KIF4A: variants seen among roughly 807,000 people sequenced by gnomAD.
KIF4A encodes the protein kinesin family member 4A, also known as chromosome-associated kinesin KIF4A.
Under a neutral mutation model 105.9 loss-of-function variants are expected in KIF4A, and 7 were observed. The ratio of observed to expected loss-of-function variants is 0.07; its 90% confidence interval spans 0.04 to 0.12. The LOEUF (loss-of-function observed/expected upper bound fraction) is 0.12. Among genes scored for constraint, KIF4A ranks in the 10% least tolerant of loss-of-function variants. The pLI is 1.00. For missense variants in KIF4A, 558 were observed against 929.2 expected, an observed-to-expected ratio of 0.60 and a Z score of 5.19; for synonymous variants, 281 against 331.3, an observed-to-expected ratio of 0.85 and a Z score of 1.65.
chrX:70,389,235 G>A (rs1049033575), intron 20 of KIF4A, among the ~76,000 whole-genome samples: 2 of 110,416 alleles, frequency 1.8e-5, no homozygotes, highest in African/African-American at 6.6e-5. Context: ...CAGCCTGGGT[G>A]ACACAGCAAG....
chrX:70,302,836 G>A (rs1031936661), intron 7 of KIF4A, among the ~76,000 whole-genome samples: 2 of 111,598 alleles, frequency 1.8e-5, no homozygotes, highest in Admixed American at 9.6e-5. Context: ...TGTGATGTAG[G>A]CTATTAGAAA....
intron 17 of KIF4A, 136 bp downstream of exon 17, chrX:70,375,484 C>A: frequency 1.6e-6 from 1 of 623,341 alleles, no homozygotes; most frequent in Non-Finnish European, 2.5e-6. Flanking sequence ...TGAATCTCCA[C>A]AAATGTCCCT....
chrX:70,290,632 G>T lies in KIF4A; in HGVS notation c.120+54G>T. The T allele has an allele frequency of 2.5e-6, 3 of 1,206,465 alleles. 1 individual carries two copies. The highest frequency in any genetic ancestry group is 2.3e-4 in the Middle Eastern group (1 of 4,343). ...TGAACAGCTGGGGCCAAATGGTAAC[G>T]AGGGGTGTGGTCTTGCCTTTCATTT... On this transcript the variant is annotated intron_variant, in intron 2 of 30. Transcript: ENST00000374403.
At position 70,406,159 on chromosome X, in the gene KIF4A, G is replaced by A. The variant is rs765676638; in HGVS notation, c.2977-100G>A. 1.8e-5 allele frequency: 12 copies of A among 669,067 alleles called. No individual in the cohort carries two copies. In the African/African-American group the frequency reaches 2.2e-4, roughly 12 times the overall value. 55.1% of individuals were successfully genotyped at this position (669,067 alleles called of 1,213,427 possible). ...CTATAATCCTGCATCACTTTACTAT[G>A]GTTTAACGTTAAGCTAGCCTAGGTC... is the stretch of plus-strand genomic sequence containing the variant. On this transcript the variant is annotated intron_variant, in intron 26 of 30. Coordinates refer to ENST00000374403, the MANE Select transcript of KIF4A (RefSeq NM_012310.5).
At chrX:70,347,614 T>C (rs1157561547) in intron 13 of KIF4A, among the ~76,000 whole-genome samples, 1 of 111,541 alleles carries the variant, frequency 9.0e-6, no homozygotes, top group Non-Finnish European at 1.9e-5. Context: ...GATTAGTCCT[T>C]ATACTGAAAA....
intron 15 of KIF4A, among the ~76,000 whole-genome samples, chrX:70,369,072 T>C (rs2086118411): frequency 8.9e-6 from 1 of 112,516 alleles, no homozygotes; most frequent in Non-Finnish European, 1.9e-5. Context: ...AATCTTCTGG[T>C]GTGCCATTTG....
intron 15 of KIF4A, among the ~76,000 whole-genome samples, chrX:70,370,679 T>C (rs2086127509): frequency 9.1e-6 from 1 of 110,437 alleles, no homozygotes; most frequent in African/African-American, 3.3e-5. Flanking sequence ...CTCATGCCTA[T>C]AATCCCAATA....
At chrX:70,345,588 G>A (rs188161332) in intron 13 of KIF4A, among the ~76,000 whole-genome samples, 43 of 112,131 alleles carry the variant, frequency 3.8e-4, no homozygotes, top group African/African-American at 1.2e-3. Flanking sequence ...AGAAGAAAGG[G>A]TTGTATGTCC....
chrX:70,360,567 T>C (rs1043065688), intron 15 of KIF4A, among the ~76,000 whole-genome samples: 3 of 113,093 alleles, frequency 2.7e-5, no homozygotes, highest in African/African-American at 9.6e-5. Flanking sequence ...CAAGCGACAT[T>C]GGGGAGGCAG....
intron 18 of KIF4A, among the ~76,000 whole-genome samples, chrX:70,380,963 A>G (rs2086195118): frequency 9.0e-6 from 1 of 111,123 alleles, no homozygotes; most frequent in African/African-American, 3.3e-5. Flanking sequence ...AGCCTGGCCA[A>G]CACGGTGAAA....
chrX:70,392,860 T>TAA (rs1341018346), intron 20 of KIF4A, among the ~76,000 whole-genome samples: 185 of 106,093 alleles, frequency 1.7e-3, no homozygotes, highest in African/African-American at 5.7e-3. Flanking sequence ...ATAATAATAA[T>TAA]TATTATTATT....
chrX:70,419,581 C>G, intron 29 of KIF4A, 80 bp from the exon 30 acceptor site: 2 of 1,142,133 alleles, frequency 1.8e-6, no homozygotes, highest in Non-Finnish European at 2.4e-6. Flanking sequence ...GAGCTGTTAC[C>G]TCTTTGGTTG....
intron 7 of KIF4A, among the ~76,000 whole-genome samples, chrX:70,325,731 C>T (rs1193996577): frequency 1.9e-5 from 2 of 107,140 alleles, no homozygotes; most frequent in East Asian, 2.9e-4. Context: ...TTTCCCTCAC[C>T]CCCATCAAAC....
chrX:70,396,729 G>C (rs1194588573), intron 22 of KIF4A, among the ~76,000 whole-genome samples: 1 of 112,195 alleles, frequency 8.9e-6, no homozygotes, highest in Non-Finnish European at 1.9e-5. Flanking sequence ...GTTGTCATGA[G>C]CATTAAATGA....
In KIF4A at chrX:70,374,192, A is replaced by G. The variant is rs765792733; in HGVS notation, c.1716A>G (p.Gln572=). Residue 572 remains glutamine, a synonymous_variant, in exon 16 of 31, where the codon CAA becomes CAG. Transcript: ENST00000374403. ...TAGAATTAGAAGTCATCAATCTGCA[A>G]AAGGAAAAGGAAGAATTGGTTCTTG... The part of the protein sequence containing the change: ...KELELEVINL[Q]KEKEELVLEL... 97 of 1,201,041 alleles carry G rather than the reference A, an allele frequency of 8.1e-5. No individual in the cohort carries two copies. Among genetic ancestry groups the G allele is most frequent in the Non-Finnish European group, 1.0e-4 (92 of 888,155 alleles).
intron 20 of KIF4A, among the ~76,000 whole-genome samples, chrX:70,390,927 T>C (rs975382917): frequency 8.9e-6 from 1 of 112,385 alleles, no homozygotes; most frequent in Admixed American, 9.5e-5. Context: ...TTTGTGTATC[T>C]GTAGTTTGCG....
At chrX:70,389,094 A>C (rs981035365) in intron 20 of KIF4A, among the ~76,000 whole-genome samples, 22 of 110,843 alleles carry the variant, frequency 2.0e-4, no homozygotes, top group African/African-American at 7.2e-4. Flanking sequence ...TACAAAACAA[A>C]ATTTTAAAAA....
chrX:70,317,388 T>G (rs2085873372), intron 7 of KIF4A, among the ~76,000 whole-genome samples: 2 of 111,111 alleles, frequency 1.8e-5, no homozygotes, highest in African/African-American at 6.6e-5. Flanking sequence ...GTATCTAGTT[T>G]AATAAATGAT....
intron 10 of KIF4A, among the ~76,000 whole-genome samples, chrX:70,336,795 A>G (rs190287374): frequency 1.2e-3 from 138 of 111,849 alleles, no homozygotes; most frequent in African/African-American, 4.0e-3. Flanking sequence ...GTACAATTCA[A>G]TGGCTTTAAA....
Sources: allele counts gnomAD v4.1 joint callset (sites outside exome capture counted in the v4.1 genomes callset), GRCh38; gene constraint gnomAD v4.1.1; transcripts MANE v1.5; gene names NCBI Gene and HGNC (gene_info 2026-07-23, HGNC 2026-07-21).